Variants in D2HGDH observed in about 807,000 individuals in gnomAD.
D2HGDH encodes D-2-hydroxyglutarate dehydrogenase.
D2HGDH carries 31 observed loss-of-function variants against 46.9 expected under a neutral mutation model. That is an observed-to-expected ratio of 0.66 (90% CI 0.50 to 0.89). The LOEUF is 0.89. Among genes scored for constraint, D2HGDH ranks in the 40% least tolerant of loss-of-function variants. The pLI, the probability that D2HGDH is intolerant of heterozygous loss-of-function variation, is 0.00. For missense variants in D2HGDH, 698 were observed against 720.8 expected (o/e 0.97, Z 0.36); for synonymous variants, 364 against 332.6 (o/e 1.09, Z -1.03).
rs754751582 is a variant in D2HGDH at position 241,740,998 on chromosome 2, C to T, written c.293-35C>T. 3 of 1,594,850 alleles carry T rather than the reference C, an allele frequency of 1.9e-6. No individual in the cohort carries two copies. The Admixed American group carries it at 5.0e-5, about 27-fold the overall frequency. On this transcript the variant is annotated intron_variant, in intron 2 of 9. Coordinates refer to ENST00000321264, the MANE Select transcript of D2HGDH (RefSeq NM_152783.5). The stretch of plus-strand genomic sequence containing the variant: ...CCACTTGCCTCATCTGCAGCTCCCC[C>T]CACGCTGTCTCATAGGATCTTCTTC...
rs531945360 is a variant in D2HGDH, at chr2:241,750,769, G to A, written c.997+475G>A. Among the ~76,000 whole-genome samples, 442 of 152,122 alleles carry A rather than the reference G, an allele frequency of 2.9e-3. 13 individuals carry two copies. Among genetic ancestry groups the A allele is most frequent in the Admixed American group, 0.027 (412 of 15,254 alleles). ...TGGCTCACTGCAGCCTCCACCTCCCGGATTCAAACCATTCTCCTGCCTCAG... is the reference window on the plus strand; with the variant it reads ...TGGCTCACTGCAGCCTCCACCTCCCAGATTCAAACCATTCTCCTGCCTCAG... On this transcript the variant is annotated intron_variant, in intron 7 of 9. Coordinates refer to ENST00000321264, the MANE Select transcript of D2HGDH (RefSeq NM_152783.5).
intron 6 of D2HGDH, chr2:241,749,942 C>T (rs1382497397): frequency 3.0e-6 from 2 of 664,996 alleles, no homozygotes; most frequent in Non-Finnish European, 5.3e-6. Flanking sequence ...GTGCACCTAC[C>T]CCTCCTGATC....
chr2:241,751,719 G>T (rs759918031), intron 8 of D2HGDH, among the ~76,000 whole-genome samples: 16 of 152,242 alleles, frequency 1.1e-4, no homozygotes, highest in Non-Finnish European at 1.5e-4. Context: ...GCATAGAGTC[G>T]TGTGGAAGGA....
intron 7 of D2HGDH, 116 bp downstream of exon 7, chr2:241,750,410 G>GCCCCCCC: frequency 9.5e-7 from 1 of 1,050,922 alleles, no homozygotes; most frequent in Non-Finnish European, 1.4e-6. Context: ...GGCGGGTGGG[G>GCCCCCCC]GGTCCCTGGG....
rs945421352 is a variant in D2HGDH, at chr2:241,742,729, C to T, written c.490+155C>T. Among the ~76,000 whole-genome samples the T allele has an allele frequency of 5.9e-5, 9 of 152,204 alleles. No homozygotes were observed. Among genetic ancestry groups the T allele is most frequent in the African/African-American group, 2.2e-4 (9 of 41,442 alleles). ...CAGCGTCTGTAGCCTGGCCGCCTAG[C>T]CCCACCTCGCCCGGCCCCTCCAGAC... On this transcript the variant is annotated intron_variant, in intron 4 of 9. Transcript: ENST00000321264. This position sits in a 1 kb window ranked among gnomAD's most constrained non-coding sequence, Gnocchi z 4.8.
At chr2:241,761,063 G>A (rs1396489059) in intron 9 of D2HGDH, among the ~76,000 whole-genome samples, 1 of 152,128 alleles carries the variant, frequency 6.6e-6, no homozygotes, top group Non-Finnish European at 1.5e-5. Flanking sequence ...CCGTCACTTT[G>A]GCTGTCGTTT....
At chr2:241,750,415 C>T (rs1422842930) in intron 7 of D2HGDH, 121 bp downstream of exon 7, 3 of 1,133,214 alleles carry the variant, frequency 2.6e-6, no homozygotes, top group Admixed American at 4.1e-5. Flanking sequence ...GTGGGGGGTC[C>T]CTGGGCGGAG....
chr2:241,749,891 G>A (rs778454691), intron 6 of D2HGDH: 108 of 538,346 alleles, frequency 2.0e-4, no homozygotes, highest in Non-Finnish European at 3.2e-4. Context: ...GACACCAGGC[G>A]TGCACCTTCT....
In D2HGDH at chr2:241,768,139, G is replaced by C. The variant is rs569442655; in HGVS notation, c.*170G>C. The C allele has an allele frequency of 3.1e-4, 328 of 1,062,194 alleles. No individual in the cohort carries two copies. In the African/African-American group the frequency reaches 4.8e-3, roughly 16 times the overall value. 65.8% of individuals were successfully genotyped at this position (1,062,194 alleles called of 1,614,324 possible). A position where few individuals can be genotyped will look rare whatever the true frequency, so the allele number is the denominator to read the frequency against. ...ACTGCCGGACGCAGGCCCTCGGGCA[G>C]GAGCATCTGGCAGAGTGGGGGGCGT... On this transcript the variant is annotated 3_prime_UTR_variant, in exon 10 of 10. Coordinates refer to ENST00000321264, the MANE Select transcript of D2HGDH (RefSeq NM_152783.5).
chr2:241,767,968 G>A lies in D2HGDH; in HGVS notation c.1565G>A (p.Ter522=). Residue 522 remains the stop codon, a stop_retained_variant, in exon 10 of 10, where the codon TGA becomes TAA. Coordinates refer to ENST00000321264, the MANE Select transcript of D2HGDH (RefSeq NM_152783.5). ...NPYKTLPSQA[*] is the part of the protein sequence containing the mutation. ...TACAAGACGCTGCCCAGCCAGGCCT[G>A]ACGGCCACTCCTGCTGCTGCCAAGG... The A allele has an allele frequency of 6.3e-7, 1 of 1,587,836 alleles. No homozygotes were observed. The highest frequency in any genetic ancestry group is 8.5e-7 in the Non-Finnish European group (1 of 1,170,964).
At chr2:241,764,677 C>T (rs1040941516) in intron 9 of D2HGDH, among the ~76,000 whole-genome samples, 5 of 152,242 alleles carry the variant, frequency 3.3e-5, no homozygotes, top group African/African-American at 1.2e-4. Flanking sequence ...TGCCGCTTCT[C>T]AGTTGCCTTT....
chr2:241,737,510 G>T (rs1693248784), intron 2 of D2HGDH, among the ~76,000 whole-genome samples: 1 of 139,846 alleles, frequency 7.2e-6, no homozygotes, highest in Admixed American at 7.1e-5. Context: ...ATTTTTTTGA[G>T]ATGGAGTCTT....
In D2HGDH at chr2:241,751,314, C is replaced by T. The variant is rs144668507; in HGVS notation, c.1066C>T (p.His356Tyr). Residue 356 changes from histidine to tyrosine, a missense_variant, in exon 8 of 10, where the codon CAC becomes TAC. Physicochemically the swap from His to Tyr is moderately conservative, Grantham distance 83. Transcript: ENST00000321264. ...AGGCCATGACGCTGAGAAGCTGGGC[C>T]ACTTCCTGGAGCACGCGCTGGGCTC... ...NAGHDAEKLGHFLEHALGSGL... is the reference protein window; with the variant it reads ...NAGHDAEKLGYFLEHALGSGL... The T allele has an allele frequency of 3.1e-3, 4,963 of 1,613,946 alleles. 129 individuals are homozygous for T. In the African/African-American group the frequency reaches 0.059, roughly 19 times the overall value.
chr2:241,752,961 C>T (rs35359354), intron 8 of D2HGDH, among the ~76,000 whole-genome samples: 17,950 of 149,506 alleles, frequency 0.12, 1,144 homozygotes, highest in South Asian at 0.2. Context: ...CTGTCCCCAA[C>T]GCCCCCAGCC....
intron 8 of D2HGDH, chr2:241,755,634 C>T (rs915375233): frequency 7.2e-6 from 11 of 1,531,952 alleles, no homozygotes; most frequent in African/African-American, 1.4e-5. Flanking sequence ...TGGTCTGGGG[C>T]ATTCGCTGTC....
intron 6 of D2HGDH, chr2:241,748,842 C>T (rs1272592239): frequency 1.6e-6 from 2 of 1,269,356 alleles, no homozygotes; most frequent in Non-Finnish European, 2.1e-6. Flanking sequence ...CTGTGTTCTG[C>T]TCTGATCCCA....
rs1008162836 is a variant in D2HGDH, at chr2:241,742,307, C to A, written c.351-128C>A. On this transcript the variant is annotated intron_variant, in intron 3 of 9. Coordinates refer to ENST00000321264, the MANE Select transcript of D2HGDH (RefSeq NM_152783.5). This position sits in a 1 kb window ranked among gnomAD's most constrained non-coding sequence, Gnocchi z 4.8. Reference sequence around the variant, plus strand: ...CATGCGTGGGCTGGGGAGGAGCCCCCGCTGAGGCTGCAGGCAGGGCAGGGT... The same window carrying A: ...CATGCGTGGGCTGGGGAGGAGCCCCAGCTGAGGCTGCAGGCAGGGCAGGGT... The A allele has an allele frequency of 5.8e-5, 75 of 1,297,812 alleles. No individual in the cohort carries two copies. Among genetic ancestry groups the A allele is most frequent in the Admixed American group, 2.1e-4 (9 of 42,242 alleles). 80.4% of individuals were successfully genotyped at this position (1,297,812 alleles called of 1,614,324 possible). A position where few individuals can be genotyped will look rare whatever the true frequency, so the allele number is the denominator to read the frequency against.
chr2:241,735,282 G>T lies in D2HGDH; in HGVS notation c.58G>T (p.Ala20Ser). Residue 20 changes from alanine (A) to serine (S), a missense_variant, in exon 2 of 10, where the codon GCC becomes TCC. Transcript: ENST00000321264. The stretch of plus-strand genomic sequence containing the variant: ...GTGGCTGTTGCGGGGTGCTCCGGGA[G>T]CCGCGGGTTCTTGGGGTCGGCCGGT... ...PAWLLRGAPG[A>S]AGSWGRPVGP... 6.6e-7 allele frequency: 1 copy of T among 1,523,312 alleles called. No individual in the cohort carries two copies. Among genetic ancestry groups the T allele is most frequent in the Non-Finnish European group, 8.8e-7 (1 of 1,142,572 alleles). The allele number at this position is 1,523,312 out of a possible 1,614,324, so 94.4% of individuals were successfully genotyped here. A position where few individuals can be genotyped will look rare whatever the true frequency, so the allele number is the denominator to read the frequency against.
chr2:241,762,313 A>G (rs960319051), intron 9 of D2HGDH, among the ~76,000 whole-genome samples: 3 of 151,524 alleles, frequency 2.0e-5, no homozygotes, highest in African/African-American at 7.3e-5. Flanking sequence ...CTCGTGATCC[A>G]CCCGCCTCAG....
Sources: allele counts gnomAD v4.1 joint callset (sites outside exome capture counted in the v4.1 genomes callset), GRCh38; gene constraint gnomAD v4.1.1; non-coding constraint Gnocchi (gnomAD v3.1); transcripts MANE v1.5; gene names NCBI Gene and HGNC (gene_info 2026-07-23, HGNC 2026-07-21).